Variants in AAMDC observed in about 807,000 individuals in gnomAD.
The protein encoded by AAMDC is mth938 domain-containing protein.
A neutral mutation model predicts 15.5 loss-of-function variants in AAMDC; 16 were observed. The ratio of observed to expected loss-of-function variants is 1.03; its 90% CI spans 0.70 to 1.57. The LOEUF is 1.57. Among genes scored for constraint, AAMDC ranks in the 40% most tolerant of loss-of-function variants. AAMDC has a pLI of 0.00. For missense variants in AAMDC, 141 were observed against 144.9 expected, an observed-to-expected ratio of 0.97 and a Z score of 0.14; for synonymous variants, 51 against 51.6, an observed-to-expected ratio of 0.99 and a Z score of 0.05.
downstream of AAMDC, chr11:77,877,132 T>TA (rs1473963392): frequency 2.7e-5 from 18 of 671,546 alleles, no homozygotes; most frequent in Middle Eastern, 2.5e-4. Flanking sequence ...CTCGTGGAAA[T>TA]AGACTGCCTG....
At chr11:77,886,599 G>A (rs1022153728) in intron 5 of AAMDC, among the ~76,000 whole-genome samples, 5 of 152,152 alleles carry the variant, frequency 3.3e-5, no homozygotes, top group African/African-American at 9.6e-5. Flanking sequence ...ATGGATGAAC[G>A]AGATTCCCAC....
intron 1 of AAMDC, among the ~76,000 whole-genome samples, chr11:77,833,524 A>G (rs1416076206): frequency 6.6e-6 from 1 of 152,202 alleles, no homozygotes; most frequent in Admixed American, 6.5e-5. Context: ...AGTGGCTTAC[A>G]TACAGACAAA....
Position 77,884,079 on chromosome 11 carries a change from C to T in AAMDC, c.328+7030C>T, listed in dbSNP as rs1020141639. On this transcript the variant is annotated intron_variant, in intron 5 of 5. Coordinates refer to the AAMDC transcript ENST00000304716. The stretch of plus-strand genomic sequence containing the variant: ...GACACCAACTTTACTAAGATTGAGC[C>T]TTGGGGGTAGGTCAACACTGTAGAC... 4.3e-6 allele frequency: 4 copies of T among 929,276 alleles called. No homozygotes were observed. In the Admixed American group the frequency reaches 9.2e-5, roughly 21 times the overall value. 57.6% of individuals were successfully genotyped at this position (929,276 alleles called of 1,614,324 possible). A position where few individuals can be genotyped will look rare whatever the true frequency, so the allele number is the denominator to read the frequency against.
intron 1 of AAMDC, among the ~76,000 whole-genome samples, chr11:77,822,667 A>G (rs1236672242): frequency 6.6e-6 from 1 of 152,178 alleles, no homozygotes; most frequent in African/African-American, 2.4e-5. Flanking sequence ...AAAATTCTAT[A>G]TTGTAAGAAG....
chr11:77,901,505 T>C, downstream of AAMDC: 1 of 1,612,496 alleles, frequency 6.2e-7, no homozygotes, highest in South Asian at 1.1e-5. Flanking sequence ...CTGCTTATTC[T>C]CCACACCACT....
At chr11:77,838,615 C>CTT (rs34851335) in intron 1 of AAMDC, among the ~76,000 whole-genome samples, 1,517 of 129,302 alleles carry the variant, frequency 0.012, 47 homozygotes, top group African/African-American at 0.039. Context: ...ATACAAGTAC[C>CTT]TTTTTTTTTT....
chr11:77,852,234 AAAAAAAAG>A (rs1950420125), intron 2 of AAMDC, among the ~76,000 whole-genome samples: 1 of 148,944 alleles, frequency 6.7e-6, no homozygotes. Flanking sequence ...CAAAAAAAAA[AAAAAAAAG>A]AAGAAGAAGA....
chr11:77,838,332 G>T (rs570963373), intron 1 of AAMDC, among the ~76,000 whole-genome samples: 1 of 152,288 alleles, frequency 6.6e-6, no homozygotes, highest in South Asian at 2.1e-4. Flanking sequence ...AACATCTACA[G>T]TCAGTAGACT....
chr11:77,841,711 G>A (rs746562467), intron 1 of AAMDC, among the ~76,000 whole-genome samples: 2 of 152,160 alleles, frequency 1.3e-5, no homozygotes, highest in Non-Finnish European at 2.9e-5. Flanking sequence ...GTCCACTTGG[G>A]ATATGTAGAG....
chr11:77,878,193 T>C (rs1951657271), intron 5 of AAMDC, among the ~76,000 whole-genome samples: 1 of 151,926 alleles, frequency 6.6e-6, no homozygotes, highest in Non-Finnish European at 1.5e-5. Context: ...AAACCCCGTC[T>C]CTACTAAAAA....
At chr11:77,889,578 G>C (rs1321981213) in intron 5 of AAMDC, among the ~76,000 whole-genome samples, 2 of 152,090 alleles carry the variant, frequency 1.3e-5, no homozygotes, top group Non-Finnish European at 2.9e-5. Context: ...GTTAATGAAT[G>C]GAGTTCTGCA....
chr11:77,843,839 G>A (rs1289822305), intron 2 of AAMDC, among the ~76,000 whole-genome samples: 4 of 152,098 alleles, frequency 2.6e-5, no homozygotes, highest in African/African-American at 9.7e-5. Flanking sequence ...CCACATGGCT[G>A]GGGAGGCCTC....
intron 1 of AAMDC, among the ~76,000 whole-genome samples, chr11:77,837,592 C>T (rs997781582): frequency 5.3e-5 from 8 of 151,928 alleles, no homozygotes; most frequent in Non-Finnish European, 1.2e-4. Context: ...TGCATCACTA[C>T]GCCCGGCTAA....
At chr11:77,867,875 GT>G (rs2136290966) in intron 2 of AAMDC, among the ~76,000 whole-genome samples, 1 of 152,294 alleles carries the variant, frequency 6.6e-6, no homozygotes, top group Non-Finnish European at 1.5e-5. Context: ...GTTTCCTGGA[GT>G]TAGCTGGGAA....
chr11:77,864,036 C>T (rs1357304584), intron 2 of AAMDC, among the ~76,000 whole-genome samples: 1 of 150,646 alleles, frequency 6.6e-6, no homozygotes, highest in African/African-American at 2.4e-5. Flanking sequence ...AAGCGATTCT[C>T]CTGCCTCAGC....
At chr11:77,825,649 A>G (rs1439264827) in intron 1 of AAMDC, among the ~76,000 whole-genome samples, 3 of 151,924 alleles carry the variant, frequency 2.0e-5, no homozygotes, top group South Asian at 4.2e-4. Context: ...ACAGAATTCT[A>G]TTCATTGAAG....
intron 2 of AAMDC, among the ~76,000 whole-genome samples, chr11:77,860,384 C>G (rs938592366): frequency 1.3e-5 from 2 of 152,216 alleles, no homozygotes; most frequent in Non-Finnish European, 2.9e-5. Flanking sequence ...TGAGGATAAG[C>G]CAGTGTGGGC....
intron 2 of AAMDC, among the ~76,000 whole-genome samples, chr11:77,866,158 T>C (rs1043908413): frequency 6.6e-6 from 1 of 152,234 alleles, no homozygotes; most frequent in Admixed American, 6.5e-5. Context: ...ATGTTTTCTT[T>C]TTAAAGTTAG....
At chr11:77,880,147 C>A (rs1394259244) in intron 5 of AAMDC, among the ~76,000 whole-genome samples, 2 of 152,036 alleles carry the variant, frequency 1.3e-5, no homozygotes, top group African/African-American at 4.8e-5. Flanking sequence ...TTTGGTGCAA[C>A]CAGAGCAAAA....
Sources: allele counts gnomAD v4.1 joint callset (sites outside exome capture counted in the v4.1 genomes callset), GRCh38; gene constraint gnomAD v4.1.1; transcripts MANE v1.5; gene names NCBI Gene and HGNC (gene_info 2026-07-23, HGNC 2026-07-21).